WFDC9: variants seen among roughly 807,000 people sequenced by gnomAD.
WFDC9 encodes protein WFDC9.
A neutral mutation model predicts 9.5 loss-of-function variants in WFDC9; 9 were observed. The observed-to-expected ratio is 0.95, with a 90% CI of 0.57 to 1.65. The LOEUF is 1.65. WFDC9 is among the 40% of genes most tolerant of loss of function. The pLI, the probability that WFDC9 is intolerant of heterozygous loss-of-function variation, is 0.00. For synonymous variants in WFDC9, 33 were observed against 32.3 expected, an observed-to-expected ratio of 1.02 and a Z score of -0.07; for missense variants, 87 against 106.7, an observed-to-expected ratio of 0.82 and a Z score of 0.81.
At chr20:45,615,344 C>T (rs1981949049) in intron 1 of WFDC9, among the ~76,000 whole-genome samples, 1 of 152,106 alleles carries the variant, frequency 6.6e-6, no homozygotes, top group African/African-American at 2.4e-5. Context: ...TTGGAGATCA[C>T]TAGCTCATGA....
intron 2 of WFDC9, 30 bp from the exon 3 acceptor site, chr20:45,610,269 A>G: frequency 8.4e-7 from 1 of 1,191,146 alleles, no homozygotes; most frequent in Non-Finnish European, 1.2e-6. Flanking sequence ...GATTGAGGAG[A>G]ACAGGGTAAG....
At chr20:45,610,379 G>T (rs1600916496) in intron 2 of WFDC9, 140 bp from the exon 3 acceptor site, 7 of 461,128 alleles carry the variant, frequency 1.5e-5, no homozygotes, top group South Asian at 4.7e-5. Context: ...GACTTCCCCA[G>T]GTTTCTTCTC....
intron 1 of WFDC9, among the ~76,000 whole-genome samples, chr20:45,624,444 T>C (rs1277035997): frequency 6.6e-6 from 1 of 151,988 alleles, no homozygotes; most frequent in Admixed American, 6.6e-5. Flanking sequence ...ATTTGTATCA[T>C]AGTTTCTTTC....
chr20:45,630,183 G>A (rs1412177094), intron 1 of WFDC9, among the ~76,000 whole-genome samples: 1 of 152,164 alleles, frequency 6.6e-6, no homozygotes, highest in Non-Finnish European at 1.5e-5. Context: ...GGCGCACCAG[G>A]GCTGAGAATC....
intron 1 of WFDC9, among the ~76,000 whole-genome samples, chr20:45,620,509 T>C (rs1365552400): frequency 6.6e-6 from 1 of 152,176 alleles, no homozygotes; most frequent in Admixed American, 6.5e-5. Context: ...TGAGAATCAC[T>C]TGAACCCAGG....
intron 1 of WFDC9, among the ~76,000 whole-genome samples, chr20:45,624,498 G>A (rs940674477): frequency 2.0e-5 from 3 of 152,036 alleles, no homozygotes; most frequent in South Asian, 2.1e-4. Context: ...TCTGTATCTC[G>A]GCTATTGTGA....
intron 2 of WFDC9, among the ~76,000 whole-genome samples, chr20:45,613,528 G>A (rs987816862): frequency 2.0e-5 from 3 of 152,158 alleles, no homozygotes; most frequent in African/African-American, 4.8e-5. Flanking sequence ...AGAGATTCGA[G>A]CAGAGGCAAA....
chr20:45,615,293 G>A (rs1232751933), intron 1 of WFDC9, among the ~76,000 whole-genome samples: 1 of 152,178 alleles, frequency 6.6e-6, no homozygotes, highest in Non-Finnish European at 1.5e-5. Flanking sequence ...TTCACCAAAT[G>A]TCAGGGAAGG....
chr20:45,612,006 A>T (rs1006503106), intron 2 of WFDC9, among the ~76,000 whole-genome samples: 4 of 152,150 alleles, frequency 2.6e-5, no homozygotes, highest in African/African-American at 9.7e-5. Context: ...CAGCCACATA[A>T]TCCCCAGAGC....
chr20:45,629,759 C>CA, intron 1 of WFDC9: 2 of 1,585,412 alleles, frequency 1.3e-6, no homozygotes, highest in Non-Finnish European at 1.7e-6. Flanking sequence ...GACAGCTCTG[C>CA]AGGGAAGTCT....
At position 45,610,079 on chromosome 20, in the gene WFDC9, C is replaced by T; in HGVS notation, c.91+12G>A. 1.2e-6 allele frequency: 2 copies of T among 1,613,442 alleles called. No homozygotes were observed. Among genetic ancestry groups the T allele is most frequent in the Non-Finnish European group, 1.7e-6 (2 of 1,179,444 alleles). On this transcript the variant is annotated intron_variant, in intron 3 of 4. Coordinates refer to ENST00000326000, the MANE Select transcript of WFDC9 (RefSeq NM_147198.4). ...CTGGGCAGAGCACCCCGTCCCTTTT[C>T]ACACCACCCACAGGGATCTTTGTTC...
At chr20:45,621,616 A>C (rs1048675401) in intron 1 of WFDC9, among the ~76,000 whole-genome samples, 1 of 152,176 alleles carries the variant, frequency 6.6e-6, no homozygotes, top group African/African-American at 2.4e-5. Flanking sequence ...GGGAGTCTGG[A>C]ATTTTGGTAC....
chr20:45,630,896 G>A (rs769443519), intron 1 of WFDC9: 1 of 1,605,538 alleles, frequency 6.2e-7, no homozygotes, highest in Admixed American at 1.7e-5. Flanking sequence ...AGAAATCAAA[G>A]TCTGCCAGCA....
At chr20:45,610,758 G>T (rs1021542529) in intron 2 of WFDC9, among the ~76,000 whole-genome samples, 5 of 152,190 alleles carry the variant, frequency 3.3e-5, no homozygotes, top group African/African-American at 1.2e-4. Flanking sequence ...GCCAAGAACT[G>T]TTAGGGGACT....
chr20:45,628,322 G>A (rs1329242900), intron 1 of WFDC9, among the ~76,000 whole-genome samples: 3 of 152,162 alleles, frequency 2.0e-5, no homozygotes, highest in African/African-American at 2.4e-5. Context: ...GAACCTTGTT[G>A]TCATCTATAC....
intron 2 of WFDC9, among the ~76,000 whole-genome samples, chr20:45,610,515 TAAAC>T (rs1055453548): frequency 1.3e-4 from 20 of 152,190 alleles, no homozygotes; most frequent in Admixed American, 3.9e-4. Flanking sequence ...AAAGAGGAAA[TAAAC>T]AAGCATTAGC....
chr20:45,608,010 C>T lies in WFDC9; in HGVS notation c.*100G>A. On this transcript the variant is annotated 3_prime_UTR_variant, in exon 5 of 5. Coordinates refer to ENST00000326000, the MANE Select transcript of WFDC9 (RefSeq NM_147198.4). The stretch of plus-strand genomic sequence containing the variant: ...GGTCAAGGAAATAGCAGAAAGGTTA[C>T]CAGCTAGAGCCAGTGGGTGTCCCAA... The T allele has an allele frequency of 1.5e-6, 2 of 1,340,366 alleles. No homozygotes were observed. The highest frequency in any genetic ancestry group is 3.8e-5 in the Admixed American group (2 of 52,396). The allele number at this position is 1,340,366 out of a possible 1,614,324, so 83.0% of individuals were successfully genotyped here.
intron 1 of WFDC9, among the ~76,000 whole-genome samples, chr20:45,626,783 T>C (rs1468095021): frequency 6.6e-6 from 1 of 152,220 alleles, no homozygotes; most frequent in Non-Finnish European, 1.5e-5. Flanking sequence ...TTCTCTTTCA[T>C]GATTGATCTA....
At chr20:45,611,587 T>A (rs2425714) in intron 2 of WFDC9, among the ~76,000 whole-genome samples, 102,099 of 152,018 alleles carry the variant, frequency 0.67, 35,250 homozygotes, top group East Asian at 1. Flanking sequence ...TCAGTCATAC[T>A]TATTACTATC....
Sources: gnomAD v4.1 joint callset for allele counts (sites outside exome capture counted in the v4.1 genomes callset) on GRCh38, gnomAD v4.1.1 for gene constraint, MANE v1.5 for transcripts, NCBI Gene and HGNC (gene_info 2026-07-23, HGNC 2026-07-21) for gene names.